CNST: variants seen among roughly 807,000 people sequenced by gnomAD.
CNST encodes consortin, connexin sorting protein.
A neutral mutation model predicts 72.4 loss-of-function variants in CNST; 39 were observed. The observed-to-expected ratio is 0.54, with a 90% CI of 0.42 to 0.70. The LOEUF is 0.70. Among genes scored for constraint, CNST ranks in the 30% least tolerant of loss-of-function variants. The pLI, the probability that CNST is intolerant of heterozygous loss-of-function variation, is 0.00. For synonymous variants in CNST, 332 were observed against 320.1 expected (o/e 1.04, Z -0.40); for missense variants, 871 against 868.5 (o/e 1.00, Z -0.04).
intron 4 of CNST, among the ~76,000 whole-genome samples, chr1:246,633,122 A>G (rs947231045): frequency 6.6e-6 from 1 of 152,200 alleles, no homozygotes; most frequent in Non-Finnish European, 1.5e-5. Context: ...ATTGCATAAT[A>G]TGCCACATTA....
chr1:246,582,512 C>T (rs1278414317), intron 1 of CNST, among the ~76,000 whole-genome samples: 2 of 152,244 alleles, frequency 1.3e-5, no homozygotes, highest in African/African-American at 2.4e-5. Flanking sequence ...CTGAGCCTGG[C>T]CGGGCTTACG....
rs1287194652 is a variant in CNST, at chr1:246,586,109, ATATG to A, written c.-51-5401_-51-5398del. ...GAGAGGGGGAGATATATATATATATATATGTGTGTGTGTGTGTGTGTGTGTGTGT... is the reference window on the plus strand; with the variant it reads ...GAGAGGGGGAGATATATATATATATATGTGTGTGTGTGTGTGTGTGTGTGT... On this transcript the variant is annotated intron_variant, in intron 1 of 10. Transcript: ENST00000366513. Among the ~76,000 whole-genome samples the A allele has an allele frequency of 8.1e-3, 987 of 122,164 alleles. 11 individuals are homozygous for A. Among genetic ancestry groups the A allele is most frequent in the South Asian group, 0.04 (148 of 3,744 alleles). 80.1% of individuals were successfully genotyped at this position (122,164 alleles called of 152,430 possible).
intron 2 of CNST, among the ~76,000 whole-genome samples, chr1:246,601,577 C>G (rs1662293701): frequency 6.6e-6 from 1 of 151,908 alleles, no homozygotes; most frequent in Non-Finnish European, 1.5e-5. Context: ...GGTGAATCAC[C>G]TGAGGTCAGG....
intron 1 of CNST, among the ~76,000 whole-genome samples, chr1:246,574,302 A>C (rs1425861585): frequency 6.6e-6 from 1 of 152,194 alleles, no homozygotes; most frequent in Non-Finnish European, 1.5e-5. Flanking sequence ...CGGCCTCCCA[A>C]AGTGTTGGGA....
intron 1 of CNST, among the ~76,000 whole-genome samples, chr1:246,590,997 T>C (rs569235582): frequency 3.9e-4 from 59 of 152,152 alleles, no homozygotes; most frequent in Non-Finnish European, 6.8e-4. Context: ...ACATACTTTT[T>C]TCTAGGTTAT....
At chr1:246,650,675 A>ATTTT (rs1666394289) in intron 9 of CNST, among the ~76,000 whole-genome samples, 4 of 85,128 alleles carry the variant, frequency 4.7e-5, no homozygotes, top group Non-Finnish European at 6.7e-5. Context: ...TTTAATTCAA[A>ATTTT]CTTTTTTTTT....
intron 4 of CNST, among the ~76,000 whole-genome samples, chr1:246,633,658 G>A (rs1414538038): frequency 3.3e-5 from 5 of 150,064 alleles, no homozygotes; most frequent in African/African-American, 7.4e-5. Flanking sequence ...CAGGAGAATC[G>A]CTTGAACCCG....
intron 9 of CNST, among the ~76,000 whole-genome samples, 188 bp from the exon 10 acceptor site, chr1:246,660,011 G>A (rs55966521): frequency 0.089 from 13,516 of 152,142 alleles, 1,347 homozygotes; most frequent in African/African-American, 0.22. Flanking sequence ...TTGGACTTTT[G>A]TGTTTCTCAG....
At chr1:246,588,556 TAGAC>T (rs1470813622) in intron 1 of CNST, among the ~76,000 whole-genome samples, 2 of 152,180 alleles carry the variant, frequency 1.3e-5, no homozygotes, top group Non-Finnish European at 2.9e-5. Flanking sequence ...GGCAATGTCA[TAGAC>T]AGCAGCATCG....
chr1:246,585,903 G>C (rs1661148619), intron 1 of CNST, among the ~76,000 whole-genome samples: 1 of 151,848 alleles, frequency 6.6e-6, no homozygotes. Flanking sequence ...AACATAGTGA[G>C]ACTCTGTTTC....
intron 10 of CNST, among the ~76,000 whole-genome samples, chr1:246,664,619 G>A (rs189005393): frequency 0.014 from 2,105 of 151,956 alleles, 113 homozygotes; most frequent in Admixed American, 0.1. Flanking sequence ...GTAGAGACGG[G>A]GTTTCACCGT....
At chr1:246,589,324 C>G (rs1661393686) in intron 1 of CNST, among the ~76,000 whole-genome samples, 1 of 146,408 alleles carries the variant, frequency 6.8e-6, no homozygotes, top group South Asian at 2.2e-4. Context: ...TCCATGTGTT[C>G]TCATTGTTCA....
At chr1:246,648,292 A>T in intron 9 of CNST, 1 of 1,118,528 alleles carries the variant, frequency 8.9e-7, no homozygotes, top group Non-Finnish European at 1.1e-6. Context: ...TATTGTATAT[A>T]TCCATTTTTT....
chr1:246,575,142 C>T (rs1315429482), intron 1 of CNST, among the ~76,000 whole-genome samples: 1 of 152,068 alleles, frequency 6.6e-6, no homozygotes, highest in African/African-American at 2.4e-5. Flanking sequence ...TACAGGCACC[C>T]GCCGCCAAGC....
At chr1:246,575,954 G>C (rs144617982) in intron 1 of CNST, among the ~76,000 whole-genome samples, 13 of 151,742 alleles carry the variant, frequency 8.6e-5, no homozygotes, top group African/African-American at 2.9e-4. Context: ...CTCTGGGCGC[G>C]GTGGCTCGCG....
chr1:246,624,328 G>A (rs1258962306), intron 3 of CNST, among the ~76,000 whole-genome samples: 2 of 152,176 alleles, frequency 1.3e-5, no homozygotes, highest in South Asian at 2.1e-4. Context: ...AGAATACGGT[G>A]GTGGTTTAAA....
chr1:246,588,976 A>G (rs1661366250), intron 1 of CNST, among the ~76,000 whole-genome samples: 1 of 152,124 alleles, frequency 6.6e-6, no homozygotes. Flanking sequence ...TGAGTCCCTC[A>G]ATGTGTGTTC....
chr1:246,573,358 G>A (rs190392736), intron 1 of CNST, among the ~76,000 whole-genome samples: 27 of 152,266 alleles, frequency 1.8e-4, no homozygotes, highest in Middle Eastern at 6.8e-3. Flanking sequence ...CATTACATTT[G>A]AACTTTTGTT....
chr1:246,647,813 G>C lies in CNST; in HGVS notation c.1612G>C (p.Asp538His). 6.2e-7 allele frequency: 1 copy of C among 1,614,040 alleles called. No homozygotes were observed. The highest frequency in any genetic ancestry group is 8.5e-7 in the Non-Finnish European group (1 of 1,179,998). The change falls in exon 9 of 11, where the codon GAC becomes CAC. Residue 538 changes from aspartate to histidine, a missense_variant. Asp to His is a moderately conservative substitution (Grantham distance 81, BLOSUM62 -1). Transcript: ENST00000366513. ...MAPEEKGDKD[D>H]QLNKETEDYL... The stretch of plus-strand genomic sequence containing the variant: ...CCCAGAGGAAAAGGGAGATAAAGAC[G>C]ACCAACTCAACAAAGAAACAGAAGA...
Sources: gnomAD v4.1 joint callset for allele counts (sites outside exome capture counted in the v4.1 genomes callset) on GRCh38, gnomAD v4.1.1 for gene constraint, MANE v1.5 for transcripts, NCBI Gene and HGNC (gene_info 2026-07-23, HGNC 2026-07-21) for gene names.